The following MARK1 variants were observed in gnomAD, a reference collection of about 807,000 sequenced individuals.
The protein encoded by MARK1 is microtubule affinity regulating kinase 1.
In MARK1, 40 loss-of-function variants were observed where a neutral mutation model predicts 96.3. The observed-to-expected ratio is 0.42, with a 90% CI of 0.32 to 0.54. MARK1 has a LOEUF of 0.54. Among genes scored for constraint, MARK1 ranks in the 20% least tolerant of loss-of-function variants. MARK1 has a pLI of 0.16. For missense variants in MARK1, 719 were observed against 984.6 expected (o/e 0.73, Z 3.61); for synonymous variants, 317 against 341.2 (o/e 0.93, Z 0.78).
intron 1 of MARK1, among the ~76,000 whole-genome samples, chr1:220,556,279 G>A (rs1359840967): frequency 9.2e-5 from 14 of 152,012 alleles, no homozygotes; most frequent in African/African-American, 2.7e-4. Flanking sequence ...CATCAGTACC[G>A]GAGGCCTTAA....
chr1:220,651,472 T>C (rs1158853312), intron 14 of MARK1, among the ~76,000 whole-genome samples: 2 of 152,202 alleles, frequency 1.3e-5, no homozygotes, highest in Non-Finnish European at 2.9e-5. Flanking sequence ...TGATTTTTCC[T>C]ATACTAAATT....
At chr1:220,585,978 T>C in intron 3 of MARK1, among the ~76,000 whole-genome samples, 1 of 114,810 alleles carries the variant, frequency 8.7e-6, no homozygotes, top group African/African-American at 3.2e-5. Flanking sequence ...CCACTTTACA[T>C]ACGTATACAC....
At chr1:220,554,991 C>G (rs1362471669) in intron 1 of MARK1, among the ~76,000 whole-genome samples, 1 of 152,138 alleles carries the variant, frequency 6.6e-6, no homozygotes, top group Non-Finnish European at 1.5e-5. Flanking sequence ...TGTAATAGTC[C>G]TTAATTCGCA....
At chr1:220,571,820 T>C (rs922203243) in intron 1 of MARK1, 1 of 152,130 alleles carries the variant, frequency 6.6e-6, no homozygotes, top group African/African-American at 2.4e-5. Context: ...TCAGCACGGG[T>C]GTTTTTACCT....
At chr1:220,652,220 A>C (rs1393991290) in intron 15 of MARK1, 70 bp downstream of exon 15, 5 of 1,277,902 alleles carry the variant, frequency 3.9e-6, no homozygotes, top group Non-Finnish European at 5.5e-6. Context: ...GTGAAAATAC[A>C]TGATAGTCAC....
At chr1:220,582,208 A>G (rs761682360) in intron 3 of MARK1, among the ~76,000 whole-genome samples, 1 of 152,170 alleles carries the variant, frequency 6.6e-6, no homozygotes, top group Admixed American at 6.5e-5. Flanking sequence ...AACCAGTATA[A>G]CTTTTCATAA....
intron 1 of MARK1, among the ~76,000 whole-genome samples, chr1:220,555,449 A>T (rs1447706382): frequency 6.6e-6 from 1 of 152,108 alleles, no homozygotes; most frequent in Non-Finnish European, 1.5e-5. Flanking sequence ...TTGAAGTAAG[A>T]GATGATGACA....
intron 1 of MARK1, among the ~76,000 whole-genome samples, chr1:220,547,645 A>G (rs191779723): frequency 2.0e-5 from 3 of 152,080 alleles, no homozygotes; most frequent in South Asian, 2.1e-4. Context: ...GCTCACTGCA[A>G]GCTCCACCTC....
chr1:220,567,292 G>A (rs565203255), intron 1 of MARK1, among the ~76,000 whole-genome samples: 1 of 152,260 alleles, frequency 6.6e-6, no homozygotes, highest in East Asian at 1.9e-4. Context: ...TGCAGTGAAT[G>A]TCTGACCTGT....
intron 15 of MARK1, 136 bp from the exon 16 acceptor site, chr1:220,652,965 T>C: frequency 2.1e-6 from 2 of 934,742 alleles, no homozygotes; most frequent in Admixed American, 2.9e-5. Context: ...TCCAAACCCA[T>C]GTCTCACATC....
At chr1:220,568,023 T>C (rs912120320) in intron 1 of MARK1, among the ~76,000 whole-genome samples, 1 of 152,180 alleles carries the variant, frequency 6.6e-6, no homozygotes, top group Non-Finnish European at 1.5e-5. Flanking sequence ...GTATAAAAAG[T>C]CTTTTTCTTT....
At chr1:220,596,744 G>C (rs747908875) in intron 3 of MARK1, among the ~76,000 whole-genome samples, 3 of 152,096 alleles carry the variant, frequency 2.0e-5, no homozygotes, top group Non-Finnish European at 4.4e-5. Flanking sequence ...ACCATTTTAA[G>C]TATACAATTC....
intron 5 of MARK1, among the ~76,000 whole-genome samples, chr1:220,602,503 C>A (rs535575165): frequency 6.6e-6 from 1 of 152,124 alleles, no homozygotes; most frequent in Non-Finnish European, 1.5e-5. Flanking sequence ...ATGTAAATAC[C>A]TGGGGTAAGT....
intron 1 of MARK1, among the ~76,000 whole-genome samples, chr1:220,557,345 C>T (rs911768381): frequency 1.1e-4 from 16 of 152,068 alleles, no homozygotes; most frequent in South Asian, 2.1e-4. Flanking sequence ...GAGGCCAAGG[C>T]GGGCGGATCA....
At chr1:220,594,821 A>AAACTGGTGAC (rs1216987105) in intron 3 of MARK1, among the ~76,000 whole-genome samples, 4 of 152,228 alleles carry the variant, frequency 2.6e-5, no homozygotes, top group African/African-American at 9.6e-5. Flanking sequence ...GGAAAAGGCA[A>AAACTGGTGAC]AACTGGTGAC....
chr1:220,626,922 G>C, intron 9 of MARK1: 1 of 493,580 alleles, frequency 2.0e-6, no homozygotes, highest in South Asian at 1.7e-5. Flanking sequence ...GTTCCAATTT[G>C]TAATGTTGCC....
At chr1:220,623,423 A>G (rs1349242321) in intron 9 of MARK1, among the ~76,000 whole-genome samples, 1 of 152,204 alleles carries the variant, frequency 6.6e-6, no homozygotes, top group Non-Finnish European at 1.5e-5. Flanking sequence ...TAACAGAGTT[A>G]AACCCCCACA....
intron 3 of MARK1, among the ~76,000 whole-genome samples, chr1:220,595,228 T>C (rs1209432075): frequency 6.6e-6 from 1 of 152,222 alleles, no homozygotes; most frequent in Non-Finnish European, 1.5e-5. Context: ...TGTATATGTA[T>C]ATAAAATGAC....
At chr1:220,534,065 T>G (rs1660513399) in intron 1 of MARK1, among the ~76,000 whole-genome samples, 2 of 152,154 alleles carry the variant, frequency 1.3e-5, no homozygotes, top group Non-Finnish European at 2.9e-5. Context: ...AACAAATTTT[T>G]AAGTGTGCAG....
Sources: gnomAD v4.1 joint callset for allele counts (sites outside exome capture counted in the v4.1 genomes callset) on GRCh38, gnomAD v4.1.1 for gene constraint, MANE v1.5 for transcripts, NCBI Gene and HGNC (gene_info 2026-07-23, HGNC 2026-07-21) for gene names.